Variants in MOSMO observed in about 807,000 individuals in gnomAD.
The protein encoded by MOSMO is modulator of smoothened protein.
Under a neutral mutation model 18.4 loss-of-function variants are expected in MOSMO, and 5 were observed. That is an observed-to-expected ratio of 0.27 (90% CI 0.14 to 0.57). The LOEUF (loss-of-function observed/expected upper bound fraction) is 0.57, where lower values mean the gene tolerates loss of function less well. Among genes scored for constraint, MOSMO ranks in the 20% least tolerant of loss-of-function variants. The probability of loss-of-function intolerance (pLI) is 0.92; values close to 1 mark genes in which losing one functional copy is unlikely to be tolerated. For synonymous variants in MOSMO, 82 were observed against 82.3 expected, an observed-to-expected ratio of 1.00 and a Z score of 0.02; for missense variants, 138 against 211.8, an observed-to-expected ratio of 0.65 and a Z score of 2.16.
rs995863584 is a variant in MOSMO, at chr16:22,080,987, G to A, written c.*107G>A. 1 of 464,748 alleles carries A rather than the reference G, an allele frequency of 2.2e-6. No individual in the cohort carries two copies. Among genetic ancestry groups the A allele is most frequent in the African/African-American group, 2.0e-5 (1 of 49,672 alleles). The allele number at this position is 464,748 out of a possible 1,614,324, so 28.8% of individuals were successfully genotyped here. On this transcript the variant is annotated 3_prime_UTR_variant, in exon 3 of 3. Coordinates refer to ENST00000542527, the MANE Select transcript of MOSMO (RefSeq NM_001164579.2). ...GAGGCATCTGAGCAGGCCTCTCATG[G>A]GAAGATGCTCAGATGAAACTGATGC...
rs1901064483 is a variant in MOSMO, at chr16:22,080,818, T to A, written c.442T>A (p.Leu148Ile). The A allele has an allele frequency of 4.1e-6, 6 of 1,477,618 alleles. No individual in the cohort carries two copies. The highest frequency in any genetic ancestry group is 5.4e-6 in the Non-Finnish European group (6 of 1,121,424). 91.5% of individuals were successfully genotyped at this position (1,477,618 alleles called of 1,614,324 possible). The change falls in exon 3 of 3, where the codon TTA (leucine) becomes ATA (isoleucine). Residue 148 changes from leucine to isoleucine, a missense_variant. Physicochemically the swap from Leu to Ile is conservative, Grantham distance 5. Coordinates refer to ENST00000542527, the MANE Select transcript of MOSMO (RefSeq NM_001164579.2). ...TGGGTCATCATATGTACTTTTTGTC[T>A]TATCAATTTTCTTTACAATAGTAGG... ...VVGSSYVLFV[L>I]SIFFTIVGLL...
intron 1 of MOSMO, among the ~76,000 whole-genome samples, chr16:22,062,882 T>C (rs533512818): frequency 2.1e-4 from 32 of 152,300 alleles, no homozygotes; most frequent in African/African-American, 7.5e-4. Context: ...AGATGAAGTC[T>C]TTCTCTGTCG....
chr16:22,076,720 T>C lies in MOSMO; in HGVS notation c.319+1021T>C, dbSNP rs865990867. ...TTGGGATAAGGGATAATCCCTTGTATCCCTATTAATGTTAAAACTCAGTTT... is the reference window on the plus strand; with the variant it reads ...TTGGGATAAGGGATAATCCCTTGTACCCCTATTAATGTTAAAACTCAGTTT... On this transcript the variant is annotated intron_variant, in intron 2 of 2. Transcript: ENST00000542527. 2.6e-5 allele frequency among the ~76,000 whole-genome samples: 4 copies of C among 152,360 alleles called. No homozygotes were observed. The Middle Eastern group carries it at 0.014, about 518-fold the overall frequency.
At chr16:22,074,634 A>T (rs1456065131) in intron 1 of MOSMO, among the ~76,000 whole-genome samples, 1 of 152,198 alleles carries the variant, frequency 6.6e-6, no homozygotes, top group African/African-American at 2.4e-5. Context: ...AGTTTTTATA[A>T]ATTACCCCAA....
chr16:22,024,460 G>A (rs1170651675), intron 1 of MOSMO, among the ~76,000 whole-genome samples: 1 of 152,098 alleles, frequency 6.6e-6, no homozygotes. Flanking sequence ...CACCTCCAGG[G>A]TTCAAGTGAT....
chr16:22,070,232 T>C (rs1234953958), intron 1 of MOSMO, among the ~76,000 whole-genome samples: 2 of 152,140 alleles, frequency 1.3e-5, no homozygotes, highest in African/African-American at 2.4e-5. Flanking sequence ...ACCTAATTAG[T>C]TTCTAGACAG....
Position 22,084,058 on chromosome 16 carries a change from G to A in MOSMO, c.*3178G>A, listed in dbSNP as rs1175041866. ...TAAAGCTTTGATATCCCCACTTGAT[G>A]TTCTGTGAATTCACTGTTTAATCTA... On this transcript the variant is annotated 3_prime_UTR_variant, in exon 3 of 3. Coordinates refer to ENST00000542527, the MANE Select transcript of MOSMO (RefSeq NM_001164579.2). 1 of 207,576 alleles carries A rather than the reference G, an allele frequency of 4.8e-6. No homozygotes were observed. Among genetic ancestry groups the A allele is most frequent in the African/African-American group, 2.4e-5 (1 of 41,888 alleles). 12.9% of individuals were successfully genotyped at this position (207,576 alleles called of 1,614,324 possible). A position where few individuals can be genotyped will look rare whatever the true frequency, so the allele number is the denominator to read the frequency against.
chr16:22,092,442 G>A, downstream of MOSMO: 3 of 548,324 alleles, frequency 5.5e-6, no homozygotes, highest in East Asian at 6.7e-5. Context: ...CTTCCCTGGG[G>A]TGAGGAAGGT....
intron 1 of MOSMO, among the ~76,000 whole-genome samples, chr16:22,032,281 C>T (rs1229448357): frequency 1.3e-5 from 2 of 151,560 alleles, no homozygotes; most frequent in African/African-American, 4.9e-5. Flanking sequence ...TCTCTGCCTC[C>T]CAGCTTCAAG....
intron 1 of MOSMO, among the ~76,000 whole-genome samples, chr16:22,052,125 C>T (rs1043069585): frequency 3.3e-5 from 5 of 151,958 alleles, no homozygotes; most frequent in East Asian, 1.9e-4. Flanking sequence ...AATTTCGTAA[C>T]GATAAATTAG....
chr16:22,021,417 C>G (rs1395059607), intron 1 of MOSMO, among the ~76,000 whole-genome samples: 1 of 152,066 alleles, frequency 6.6e-6, no homozygotes, highest in Non-Finnish European at 1.5e-5. Flanking sequence ...GTTCCTGTCC[C>G]CCTTCATCTT....
At chr16:22,074,423 A>G (rs1446814133) in intron 1 of MOSMO, among the ~76,000 whole-genome samples, 1 of 152,134 alleles carries the variant, frequency 6.6e-6, no homozygotes, top group Admixed American at 6.5e-5. Flanking sequence ...ATGTAGACCA[A>G]AAAAATCCCC....
intron 1 of MOSMO, among the ~76,000 whole-genome samples, chr16:22,027,516 A>G (rs1192166732): frequency 6.6e-6 from 1 of 152,210 alleles, no homozygotes; most frequent in Non-Finnish European, 1.5e-5. Context: ...TTGAGCACAC[A>G]TAAAGCACTT....
At chr16:22,086,147 A>T (rs115997438), downstream of MOSMO, 2 of 152,214 alleles carry the variant, frequency 1.3e-5, no homozygotes, top group Non-Finnish European at 2.9e-5. Context: ...TCTTCCTTCA[A>T]CTGGTCTCCA....
intron 1 of MOSMO, among the ~76,000 whole-genome samples, chr16:22,032,048 G>A (rs1205955862): frequency 6.6e-6 from 1 of 152,124 alleles, no homozygotes; most frequent in African/African-American, 2.4e-5. Context: ...TAGCCATCCT[G>A]TTGGGTATGA....
intron 1 of MOSMO, among the ~76,000 whole-genome samples, chr16:22,072,434 G>A (rs1379636430): frequency 6.6e-6 from 1 of 152,160 alleles, no homozygotes; most frequent in East Asian, 1.9e-4. Flanking sequence ...TTTAAGGAAA[G>A]TCTATTTTTA....
At chr16:22,038,498 A>C (rs1900150494) in intron 1 of MOSMO, among the ~76,000 whole-genome samples, 1 of 152,206 alleles carries the variant, frequency 6.6e-6, no homozygotes. Flanking sequence ...TTAGGAGACA[A>C]GAAACACTTT....
At chr16:22,014,056 T>G (rs749775051) in intron 1 of MOSMO, among the ~76,000 whole-genome samples, 10 of 152,152 alleles carry the variant, frequency 6.6e-5, no homozygotes, top group Non-Finnish European at 1.0e-4. Flanking sequence ...CTCCTGGACC[T>G]TAAAATTGAG....
At chr16:22,066,698 C>T (rs1420971264) in intron 1 of MOSMO, among the ~76,000 whole-genome samples, 6 of 152,142 alleles carry the variant, frequency 3.9e-5, no homozygotes, top group South Asian at 2.1e-4. Flanking sequence ...TGAGGCCACA[C>T]GCAACAAAGG....
Sources: gnomAD v4.1 joint callset for allele counts (sites outside exome capture counted in the v4.1 genomes callset) on GRCh38, gnomAD v4.1.1 for gene constraint, MANE v1.5 for transcripts, NCBI Gene and HGNC (gene_info 2026-07-23, HGNC 2026-07-21) for gene names.